LRP6: variants seen among roughly 807,000 people sequenced by gnomAD.
The protein encoded by LRP6 is LDL receptor related protein 6, also known as low-density lipoprotein receptor-related protein 6.
Under a neutral mutation model 184.1 loss-of-function variants are expected in LRP6, and 43 were observed. The ratio of observed to expected loss-of-function variants is 0.23; its 90% CI spans 0.18 to 0.30. The LOEUF (loss-of-function observed/expected upper bound fraction) is 0.30, where lower values mean the gene tolerates loss of function less well. Among genes scored for constraint, LRP6 ranks in the 10% least tolerant of loss-of-function variants. The pLI, the probability that LRP6 is intolerant of heterozygous loss-of-function variation, is 1.00. For missense variants in LRP6, 1,571 were observed against 2,005.3 expected (o/e 0.78, Z 4.14); for synonymous variants, 719 against 684.9 (o/e 1.05, Z -0.78).
At chr12:12,128,305 C>T (rs907487077) in intron 19 of LRP6, among the ~76,000 whole-genome samples, 1 of 152,202 alleles carries the variant, frequency 6.6e-6, no homozygotes, top group African/African-American at 2.4e-5. Flanking sequence ...TCTTTCTCTG[C>T]TTCCTTTGTT....
intron 4 of LRP6, among the ~76,000 whole-genome samples, chr12:12,185,243 G>A (rs1276652117): frequency 6.6e-6 from 1 of 152,068 alleles, no homozygotes; most frequent in African/African-American, 2.4e-5. Context: ...AGGCTGCAGG[G>A]AGCCGTGATC....
At chr12:12,188,188 G>A (rs906074478) in intron 3 of LRP6, among the ~76,000 whole-genome samples, 7 of 148,550 alleles carry the variant, frequency 4.7e-5, no homozygotes, top group African/African-American at 1.8e-4. Flanking sequence ...TCCAGCCTGG[G>A]CGACAGAGCG....
chr12:12,254,609 T>G (rs1865416117), intron 1 of LRP6, among the ~76,000 whole-genome samples: 2 of 152,232 alleles, frequency 1.3e-5, no homozygotes, highest in African/African-American at 4.8e-5. Context: ...AGAGGTTCAA[T>G]GAGTCTGCCT....
chr12:12,260,561 C>A (rs1865589735), intron 1 of LRP6, among the ~76,000 whole-genome samples: 1 of 152,180 alleles, frequency 6.6e-6, no homozygotes. Flanking sequence ...CATAGCGACA[C>A]TTAAAATGTT....
At chr12:12,167,209 A>G (rs1862901592) in intron 7 of LRP6, among the ~76,000 whole-genome samples, 1 of 152,214 alleles carries the variant, frequency 6.6e-6, no homozygotes, top group Non-Finnish European at 1.5e-5. Context: ...TGCATCTTCT[A>G]TTTACCAGTT....
In LRP6 at chr12:12,122,255, C is replaced by G. The variant is rs568969870; in HGVS notation, c.4548-835G>C. 5.3e-5 allele frequency among the ~76,000 whole-genome samples: 8 copies of G among 152,274 alleles called. No homozygotes were observed. The East Asian group carries it at 1.5e-3, about 29-fold the overall frequency. ...CATACTAGTGAAAATAAGATCTGAC[C>G]TAAGTTCTGGCTTTTCTGTCATTCC... On this transcript the variant is annotated intron_variant, in intron 22 of 22. Transcript: ENST00000261349.
At chr12:12,214,384 T>A (rs1864286882) in intron 2 of LRP6, among the ~76,000 whole-genome samples, 1 of 152,222 alleles carries the variant, frequency 6.6e-6, no homozygotes, top group African/African-American at 2.4e-5. Context: ...TTCCTTTTCA[T>A]AACAGGTGAA....
Position 12,209,639 on chromosome 12 carries a change from T to C in LRP6, c.450-6239A>G, listed in dbSNP as rs11054730. ...TTTAAATTAAAAAGCTCATTACAAA[T>C]GTAACCGAAAAAGCGATTAGGACAC... On this transcript the variant is annotated intron_variant, in intron 2 of 22. Transcript: ENST00000261349. Among the ~76,000 whole-genome samples the C allele has an allele frequency of 4.6e-3, 705 of 152,314 alleles. 6 individuals are homozygous for C. The highest frequency in any genetic ancestry group is 0.028 in the South Asian group (137 of 4,830).
At chr12:12,209,920 G>A (rs1305406791) in intron 2 of LRP6, among the ~76,000 whole-genome samples, 2 of 152,136 alleles carry the variant, frequency 1.3e-5, no homozygotes, top group African/African-American at 2.4e-5. Flanking sequence ...TCAAGTCAAT[G>A]AATGTAAGAG....
intron 2 of LRP6, among the ~76,000 whole-genome samples, chr12:12,234,382 G>A (rs1056524868): frequency 1.3e-5 from 2 of 151,980 alleles, no homozygotes; most frequent in Non-Finnish European, 2.9e-5. Flanking sequence ...CCCGGAAGGC[G>A]GAGGTTGCAG....
At chr12:12,259,262 C>CAAAAAA (rs535352023) in intron 1 of LRP6, among the ~76,000 whole-genome samples, 1 of 59,228 alleles carries the variant, frequency 1.7e-5, no homozygotes, top group African/African-American at 6.0e-5. Context: ...GACTCCATCT[C>CAAAAAA]AAAAAAAAAA....
At chr12:12,241,943 G>A (rs529239446) in intron 2 of LRP6, among the ~76,000 whole-genome samples, 2 of 152,240 alleles carry the variant, frequency 1.3e-5, no homozygotes, top group African/African-American at 2.4e-5. Flanking sequence ...ATCAAATGGC[G>A]AAATTACTTC....
intron 15 of LRP6, among the ~76,000 whole-genome samples, chr12:12,142,467 TATAA>T (rs577088287): frequency 6.6e-6 from 1 of 152,228 alleles, no homozygotes; most frequent in African/African-American, 2.4e-5. Flanking sequence ...TGCAATTCGC[TATAA>T]AAGGCTATGT....
At chr12:12,216,062 C>G (rs1349388620) in intron 2 of LRP6, among the ~76,000 whole-genome samples, 2 of 152,010 alleles carry the variant, frequency 1.3e-5, no homozygotes, top group African/African-American at 4.8e-5. Context: ...ATGTATCTGC[C>G]TAATTGCTTC....
intron 8 of LRP6, 68 bp from the exon 9 acceptor site, chr12:12,164,630 T>C: frequency 6.8e-7 from 1 of 1,480,140 alleles, no homozygotes; most frequent in South Asian, 1.1e-5. Context: ...TATTTTCACT[T>C]TTAAATTACT....
rs1406612239 is a variant in LRP6, at chr12:12,239,639, A to AT, written c.449+4622dup. 3.3e-5 allele frequency among the ~76,000 whole-genome samples: 5 copies of AT among 151,902 alleles called. No homozygotes were observed. In the East Asian group the frequency reaches 5.8e-4, roughly 18 times the overall value. On this transcript the variant is annotated intron_variant, in intron 2 of 22. Transcript: ENST00000261349. ...CAAAATCCCCAAGTGCAGGCAGCCTATACTCATAAAGGTACCCTATTCTTT... is the reference window on the plus strand; with the variant it reads ...CAAAATCCCCAAGTGCAGGCAGCCTATTACTCATAAAGGTACCCTATTCTTT...
rs928400489 is a variant in LRP6 at position 12,267,029 on chromosome 12, A to C, written c.-294T>G. On this transcript the variant is annotated 5_prime_UTR_variant, in exon 1 of 23. Transcript: ENST00000261349. The stretch of plus-strand genomic sequence containing the variant: ...TCCTCATTCAGCCTCTGCCTCGCGC[A>C]GCGGCGCAGGGATACGGTCGGCACC... 29 of 462,298 alleles carry C rather than the reference A, an allele frequency of 6.3e-5. No homozygotes were observed. Among genetic ancestry groups the C allele is most frequent in the Non-Finnish European group, 1.0e-4 (27 of 261,996 alleles). The allele number at this position is 462,298 out of a possible 1,614,324, so 28.6% of individuals were successfully genotyped here.
At chr12:12,155,821 AG>A in intron 12 of LRP6, 3 of 664,090 alleles carry the variant, frequency 4.5e-6, no homozygotes, top group South Asian at 1.7e-5. Flanking sequence ...AAAAAAAAAA[AG>A]GTTAAATAAT....
intron 2 of LRP6, among the ~76,000 whole-genome samples, chr12:12,211,551 G>A (rs1019796346): frequency 6.6e-6 from 1 of 152,144 alleles, no homozygotes; most frequent in Non-Finnish European, 1.5e-5. Flanking sequence ...TTTTCCTTCC[G>A]TATCCAGAGT....
Sources: gnomAD v4.1 joint callset for allele counts (sites outside exome capture counted in the v4.1 genomes callset) on GRCh38, gnomAD v4.1.1 for gene constraint, MANE v1.5 for transcripts, NCBI Gene and HGNC (gene_info 2026-07-23, HGNC 2026-07-21) for gene names.